The following KCNIP1 variants were observed in gnomAD, a reference collection of about 807,000 sequenced individuals.
KCNIP1 encodes potassium voltage-gated channel interacting protein 1.
In KCNIP1, 18 loss-of-function variants were observed where a neutral mutation model predicts 33.0. The ratio of observed to expected loss-of-function variants is 0.55; its 90% CI spans 0.38 to 0.81. The LOEUF is 0.81. KCNIP1 is among the 30% of genes least tolerant of loss of function. The probability of loss-of-function intolerance (pLI) is 0.00; values close to 1 mark genes in which losing one functional copy is unlikely to be tolerated. For synonymous variants in KCNIP1, 93 were observed against 98.3 expected (o/e 0.95, Z 0.32); for missense variants, 238 against 271.6 (o/e 0.88, Z 0.87).
At chr5:170,362,359 C>T (rs1026441229) in intron 1 of KCNIP1, among the ~76,000 whole-genome samples, 5 of 152,246 alleles carry the variant, frequency 3.3e-5, no homozygotes, top group South Asian at 4.1e-4. Context: ...TAAGAAGCAA[C>T]GAAGACAAAA....
intron 1 of KCNIP1, among the ~76,000 whole-genome samples, chr5:170,631,847 G>A (rs1019356747): frequency 1.2e-4 from 18 of 152,182 alleles, no homozygotes; most frequent in East Asian, 3.9e-4. Flanking sequence ...GAGTAGCGCC[G>A]ACAACAGCCC....
At chr5:170,443,063 T>G (rs1359611088) in intron 1 of KCNIP1, among the ~76,000 whole-genome samples, 1 of 152,180 alleles carries the variant, frequency 6.6e-6, no homozygotes, top group Non-Finnish European at 1.5e-5. Flanking sequence ...TCCCTCATCC[T>G]GTGGGGAGGG....
At chr5:170,411,329 C>G (rs894224327) in intron 1 of KCNIP1, among the ~76,000 whole-genome samples, 2 of 152,240 alleles carry the variant, frequency 1.3e-5, no homozygotes, top group African/African-American at 4.8e-5. Flanking sequence ...GACTTCCTCA[C>G]AGCCAATATG....
intron 1 of KCNIP1, among the ~76,000 whole-genome samples, chr5:170,468,507 A>G (rs1756655319): frequency 6.6e-6 from 1 of 152,206 alleles, no homozygotes; most frequent in African/African-American, 2.4e-5. Context: ...TTTGAAAAAC[A>G]AAGAAACCTT....
At chr5:170,659,353 G>T (rs926633838) in intron 1 of KCNIP1, among the ~76,000 whole-genome samples, 4 of 152,282 alleles carry the variant, frequency 2.6e-5, no homozygotes, top group Non-Finnish European at 4.4e-5. Flanking sequence ...ACTTCAGAGG[G>T]ACTAATGACA....
Position 170,512,876 on chromosome 5 carries a change from C to T in KCNIP1, c.61+8243C>T, listed in dbSNP as rs150282938. Reference sequence around the variant, plus strand: ...CATCCCGGCTAACACGGTGAAACCCCGTCTCTACTAAAAATACAAAAAAAT... The same window carrying T: ...CATCCCGGCTAACACGGTGAAACCCTGTCTCTACTAAAAATACAAAAAAAT... On this transcript the variant is annotated intron_variant, in intron 1 of 7. Transcript: ENST00000328939. 7.4e-3 allele frequency among the ~76,000 whole-genome samples: 1,124 copies of T among 152,170 alleles called. 15 individuals are homozygous for T. Among genetic ancestry groups the T allele is most frequent in the African/African-American group, 0.026 (1,085 of 41,500 alleles).
intron 1 of KCNIP1, among the ~76,000 whole-genome samples, chr5:170,460,876 G>A (rs1756487897): frequency 6.6e-6 from 1 of 152,192 alleles, no homozygotes; most frequent in African/African-American, 2.4e-5. Flanking sequence ...GTCACTGTTT[G>A]CTGATGATAT....
chr5:170,720,256 G>A, intron 2 of KCNIP1, 65 bp from the exon 3 acceptor site: 1 of 1,166,848 alleles, frequency 8.6e-7, no homozygotes, highest in Non-Finnish European at 1.3e-6. Context: ...CACCAAGGCT[G>A]GGCCCAGTCT....
intron 1 of KCNIP1, among the ~76,000 whole-genome samples, chr5:170,712,490 A>G (rs1034206416): frequency 3.3e-5 from 5 of 152,186 alleles, no homozygotes; most frequent in Non-Finnish European, 7.3e-5. Context: ...CTGATTGTGG[A>G]GGGTATCTTA....
intron 1 of KCNIP1, among the ~76,000 whole-genome samples, chr5:170,618,489 A>G (rs1759474120): frequency 9.8e-6 from 1 of 102,252 alleles, no homozygotes; most frequent in African/African-American, 4.1e-5. Flanking sequence ...GAAGGAAGGA[A>G]GGGAGGGAGG....
chr5:170,648,175 G>C (rs1028536827), intron 1 of KCNIP1, among the ~76,000 whole-genome samples: 1 of 152,202 alleles, frequency 6.6e-6, no homozygotes, highest in African/African-American at 2.4e-5. Context: ...TCAGTGCTTC[G>C]TGGGACTGTG....
At chr5:170,626,680 GC>G (rs1371180483) in intron 1 of KCNIP1, among the ~76,000 whole-genome samples, 1 of 152,232 alleles carries the variant, frequency 6.6e-6, no homozygotes, top group Non-Finnish European at 1.5e-5. Context: ...CCCGAGTGCT[GC>G]CCCAGAAGGA....
In KCNIP1 at chr5:170,606,749, G is replaced by A. The variant is rs565308897; in HGVS notation, c.61+102116G>A. On this transcript the variant is annotated intron_variant, in intron 1 of 7. Coordinates refer to ENST00000328939, the MANE Select transcript of KCNIP1 (RefSeq NM_014592.4). ...TTACCCCACCAGTCTATGTCCACAC[G>A]GCCACGCTCACAGCCGTCCCTGCAG... Among the ~76,000 whole-genome samples, 20 of 152,196 alleles carry A rather than the reference G, an allele frequency of 1.3e-4. No individual in the cohort carries two copies. The East Asian group carries it at 3.9e-3, about 29-fold the overall frequency.
At chr5:170,727,647 A>C (rs1764056323) in intron 5 of KCNIP1, among the ~76,000 whole-genome samples, 1 of 152,232 alleles carries the variant, frequency 6.6e-6, no homozygotes, top group Non-Finnish European at 1.5e-5. Context: ...ATAGGAAATT[A>C]ATCCCAGTGC....
intron 1 of KCNIP1, among the ~76,000 whole-genome samples, chr5:170,679,720 G>A (rs1179031743): frequency 6.7e-6 from 1 of 148,830 alleles, no homozygotes; most frequent in Non-Finnish European, 1.5e-5. Context: ...AACAACTTAG[G>A]GTGTTTTTTT....
intron 1 of KCNIP1, among the ~76,000 whole-genome samples, chr5:170,711,900 C>T (rs1043242067): frequency 1.3e-5 from 2 of 152,214 alleles, no homozygotes; most frequent in African/African-American, 2.4e-5. Flanking sequence ...AAATAAGCCT[C>T]TGCTGTCTGG....
chr5:170,551,948 GTGTC>G (rs1265542042), intron 1 of KCNIP1, among the ~76,000 whole-genome samples: 1 of 151,294 alleles, frequency 6.6e-6, no homozygotes, highest in Non-Finnish European at 1.5e-5. Context: ...GTGTGCATGT[GTGTC>G]TGAGTGTGTG....
At chr5:170,388,591 G>A (rs569902307) in intron 1 of KCNIP1, among the ~76,000 whole-genome samples, 12 of 152,328 alleles carry the variant, frequency 7.9e-5, no homozygotes, top group African/African-American at 2.4e-4. Flanking sequence ...GCAGGACTTT[G>A]GAGTGTCCTG....
intron 1 of KCNIP1, among the ~76,000 whole-genome samples, chr5:170,642,734 G>A (rs1357852073): frequency 1.3e-5 from 2 of 152,206 alleles, no homozygotes; most frequent in Non-Finnish European, 2.9e-5. Flanking sequence ...GGAGGGCTGA[G>A]GGCTAAGGGT....
Sources: gnomAD v4.1 joint callset for allele counts (sites outside exome capture counted in the v4.1 genomes callset) on GRCh38, gnomAD v4.1.1 for gene constraint, MANE v1.5 for transcripts, NCBI Gene and HGNC (gene_info 2026-07-23, HGNC 2026-07-21) for gene names.